The following OTOA variants were observed in gnomAD, a reference collection of about 807,000 sequenced individuals.
The protein encoded by OTOA is otoancorin.
OTOA carries 70 observed loss-of-function variants against 110.8 expected under a neutral mutation model. That is an observed-to-expected ratio of 0.63 (90% CI 0.52 to 0.77). The LOEUF (loss-of-function observed/expected upper bound fraction) is 0.77, where lower values mean the gene tolerates loss of function less well. OTOA is among the 30% of genes least tolerant of loss of function. The pLI, the probability that OTOA is intolerant of heterozygous loss-of-function variation, is 0.00. For synonymous variants in OTOA, 373 were observed against 431.5 expected (o/e 0.86, Z 1.68); for missense variants, 917 against 1,075.8 (o/e 0.85, Z 2.06).
At chr16:21,727,012 GTT>G (rs543449382) in intron 19 of OTOA, 3,167 of 143,340 alleles carry the variant, frequency 0.022, 3 homozygotes, top group East Asian at 0.053. Flanking sequence ...CCCCCTTAGA[GTT>G]TTTTTTTTTT....
intron 11 of OTOA, among the ~76,000 whole-genome samples, chr16:21,704,026 C>T (rs938985033): frequency 6.6e-5 from 10 of 152,076 alleles, no homozygotes; most frequent in East Asian, 1.9e-4. Context: ...CTGTGTATAG[C>T]GGCCTCACAG....
chr16:21,721,345 T>A (rs1337089186), intron 17 of OTOA: 2 of 453,004 alleles, frequency 4.4e-6, no homozygotes, highest in Admixed American at 4.7e-5. Context: ...CTCAACAGAG[T>A]ACTGTTTTGC....
intron 9 of OTOA, among the ~76,000 whole-genome samples, chr16:21,695,036 G>C (rs1897903464): frequency 6.7e-6 from 1 of 150,064 alleles, no homozygotes; most frequent in Admixed American, 6.6e-5. Flanking sequence ...AATTAATTCT[G>C]TTTGGACTTA....
At chr16:21,704,614 G>A (rs886726379) in intron 11 of OTOA, among the ~76,000 whole-genome samples, 1 of 152,168 alleles carries the variant, frequency 6.6e-6, no homozygotes, top group Non-Finnish European at 1.5e-5. Flanking sequence ...ACTGGGGAGG[G>A]GGTGTCGTGT....
Position 21,719,638 on chromosome 16 carries a change from G to A in OTOA, c.1806+134G>A. On this transcript the variant is annotated intron_variant, in intron 17 of 28. Coordinates refer to ENST00000646100, the MANE Select transcript of OTOA (RefSeq NM_144672.4). ...AAGTGATGACTTAGGGCCAAAGATT[G>A]AGCCAGGTTTTTTCCAGTTTCTTTT... is the stretch of plus-strand genomic sequence containing the variant. 4.5e-6 allele frequency: 4 copies of A among 887,584 alleles called. 1 individual carries two copies. In the South Asian group the frequency reaches 5.3e-5, roughly 12 times the overall value. 55.0% of individuals were successfully genotyped at this position (887,584 alleles called of 1,614,324 possible).
At chr16:21,714,678 A>G (rs547479340) in intron 13 of OTOA, among the ~76,000 whole-genome samples, 1 of 151,962 alleles carries the variant, frequency 6.6e-6, no homozygotes, top group South Asian at 2.1e-4. Flanking sequence ...TGCCTGGCTA[A>G]TTTTTGTATT....
rs727503351 is a variant in OTOA at position 21,722,978 on chromosome 16, C to T, written c.1880C>T (p.Pro627Leu). The T allele has an allele frequency of 8.7e-6, 14 of 1,613,792 alleles. No homozygotes were observed. The highest frequency in any genetic ancestry group is 4.5e-5 in the East Asian group (2 of 44,888). ...CCACCTTTCCTCTTGGCTGCACTCC[C>T]GTAAGTGAACATCAGCCCCCACCTT... Reference protein sequence around the residue: ...SMPPFLLAALPARYLASVPAS... With the variant: ...SMPPFLLAALLARYLASVPAS... The change falls in exon 18 of 29, where the codon CCG (proline) becomes CTG (leucine). Residue 627 changes from proline to leucine, a missense_variant and splice_region_variant. Pro to Leu is a moderately conservative substitution (Grantham distance 98). Transcript: ENST00000646100.
intron 17 of OTOA, among the ~76,000 whole-genome samples, chr16:21,720,874 C>T (rs112483569): frequency 4.2e-5 from 6 of 142,660 alleles, no homozygotes; most frequent in South Asian, 4.5e-4. Flanking sequence ...TTGCCTTTCT[C>T]GTTTATATTT....
rs1179860624 is a variant in OTOA at position 21,691,674 on chromosome 16, C to T, written c.726C>T (p.Ser242=). The T allele has an allele frequency of 6.2e-7, 1 of 1,613,546 alleles. No homozygotes were observed. The highest frequency in any genetic ancestry group is 8.5e-7 in the Non-Finnish European group (1 of 1,179,678). The stretch of plus-strand genomic sequence containing the variant: ...GGATGACTGGAATACTGCAGACATC[C>T]TCCAATGCCACTGGTGAGCCTGTAC... ...YSWMTGILQT[S]SNATDDSASW... The change falls in exon 9 of 29, where the codon TCC becomes TCT. Residue 242 remains serine (S), a synonymous_variant. Transcript: ENST00000646100.
chr16:21,708,360 C>G (rs556699085), intron 12 of OTOA, among the ~76,000 whole-genome samples: 1 of 152,154 alleles, frequency 6.6e-6, no homozygotes, highest in African/African-American at 2.4e-5. Context: ...AGAGCTCAGG[C>G]GGTAATGCTC....
intron 14 of OTOA, 52 bp from the exon 15 acceptor site, chr16:21,716,855 A>G: frequency 1.9e-6 from 3 of 1,610,390 alleles, no homozygotes; most frequent in Non-Finnish European, 2.5e-6. Context: ...CCCTTCCTCA[A>G]AGCTCAATGC....
Position 21,723,228 on chromosome 16 carries a change from CA to C in OTOA, c.1880+251del, listed in dbSNP as rs1414532273. On this transcript the variant is annotated intron_variant, in intron 18 of 28. Transcript: ENST00000646100. ...AAGCAACCCAAGCCTGAATGAGTGTCAGTGAGGCAGGTCCCATCTGGCCTGG... is the reference window on the plus strand; with the variant it reads ...AAGCAACCCAAGCCTGAATGAGTGTCGTGAGGCAGGTCCCATCTGGCCTGG... 4.6e-5 allele frequency among the ~76,000 whole-genome samples: 7 copies of C among 152,252 alleles called. No homozygotes were observed. The East Asian group carries it at 1.4e-3, about 29-fold the overall frequency.
chr16:21,667,537 C>A (rs1425649944), intron 1 of OTOA, among the ~76,000 whole-genome samples: 1 of 151,780 alleles, frequency 6.6e-6, no homozygotes, highest in Non-Finnish European at 1.5e-5. Context: ...GCCTGTAGTC[C>A]CAGCTACTTG....
In OTOA at chr16:21,687,667, CTTTTTTTTTT is replaced by C. The variant is rs397855951; in HGVS notation, c.635+28_635+37del. 7.5e-7 allele frequency: 1 copy of C among 1,334,678 alleles called. No homozygotes were observed. The highest frequency in any genetic ancestry group is 2.6e-5 in the East Asian group (1 of 38,604). 82.7% of individuals were successfully genotyped at this position (1,334,678 alleles called of 1,614,324 possible). ...AGAACCTGTGAGTGGTTCCTCCGAA[CTTTTTTTTTT>C]TTTTTTTTGAGATGGAGTTTCACTC... On this transcript the variant is annotated intron_variant, in intron 8 of 28. Transcript: ENST00000646100.
At chr16:21,758,138 T>C (rs1900053652) in intron 28 of OTOA, among the ~76,000 whole-genome samples, 1 of 151,846 alleles carries the variant, frequency 6.6e-6, no homozygotes, top group African/African-American at 2.4e-5. Context: ...CCTGGGAACA[T>C]GGCCTTCTTT....
chr16:21,709,612 G>A (rs1313895923), intron 12 of OTOA, among the ~76,000 whole-genome samples: 1 of 152,018 alleles, frequency 6.6e-6, no homozygotes, highest in East Asian at 1.9e-4. Flanking sequence ...TTTCTGACAT[G>A]GATTAAGGTT....
chr16:21,672,492 G>A (rs189218367), intron 1 of OTOA, among the ~76,000 whole-genome samples: 2 of 151,846 alleles, frequency 1.3e-5, no homozygotes, highest in Middle Eastern at 3.4e-3. Context: ...GTGTGGTGGC[G>A]CATGCCTGTT....
chr16:21,677,811 C>T (rs1305081840), intron 1 of OTOA, among the ~76,000 whole-genome samples: 1 of 151,076 alleles, frequency 6.6e-6, no homozygotes, highest in Non-Finnish European at 1.5e-5. Context: ...ATTTTTTCCC[C>T]TTGGCTTGTC....
intron 1 of OTOA, among the ~76,000 whole-genome samples, chr16:21,673,194 G>A (rs978377224): frequency 1.3e-5 from 2 of 152,122 alleles, no homozygotes; most frequent in African/African-American, 4.8e-5. Context: ...TTCATAGGAA[G>A]TTGCAAAAGA....
Sources: allele counts gnomAD v4.1 joint callset (sites outside exome capture counted in the v4.1 genomes callset), GRCh38; gene constraint gnomAD v4.1.1; transcripts MANE v1.5; gene names NCBI Gene and HGNC (gene_info 2026-07-23, HGNC 2026-07-21).